Variants in MED13L observed in about 807,000 individuals in gnomAD.
The protein encoded by MED13L is mediator of RNA polymerase II transcription subunit 13-like.
In MED13L, 7 loss-of-function variants were observed where a neutral mutation model predicts 220.9. That is an observed-to-expected ratio of 0.03 (90% CI 0.02 to 0.06). MED13L has a LOEUF of 0.06. Ranked by LOEUF, MED13L falls within the 10% of genes least tolerant of loss-of-function variation. MED13L has a pLI of 1.00. For missense variants in MED13L, 1,965 were observed against 2,760.5 expected, an observed-to-expected ratio of 0.71 and a Z score of 6.46; for synonymous variants, 1,011 against 1,015.2, an observed-to-expected ratio of 1.00 and a Z score of 0.08.
At chr12:116,270,551 T>C (rs1227116952) in intron 1 of MED13L, among the ~76,000 whole-genome samples, 3 of 152,154 alleles carry the variant, frequency 2.0e-5, no homozygotes, top group African/African-American at 7.2e-5. Context: ...TGTACATGAC[T>C]TCATACTAAA....
At position 116,008,963 on chromosome 12, in the gene MED13L, A is replaced by T; in HGVS notation, c.1450T>A (p.Leu484Ile). The T allele has an allele frequency of 6.2e-7, 1 of 1,614,090 alleles. No homozygotes were observed. The highest frequency in any genetic ancestry group is 8.5e-7 in the Non-Finnish European group (1 of 1,179,988). ...EKGDKLQKRP[L>I]IPFHHRPSVA... ...GAGGGCCTATGGTGAAATGGTATTA[A>T]GGGTCTCTTTTGCAGCTTGTCTCCT... Residue 484 changes from leucine to isoleucine, a missense_variant, in exon 10 of 31, where the codon TTA (leucine) becomes ATA (isoleucine). By Grantham distance (5) the Leu-to-Ile change is conservative (BLOSUM62 2). Around this residue, in one of 10 missense-constraint regions of MED13L, gnomAD observed 818 missense variants for 1,041.2 expected, o/e 0.79. Coordinates refer to ENST00000281928, the MANE Select transcript of MED13L (RefSeq NM_015335.5).
chr12:116,097,793 T>A (rs557791527), intron 3 of MED13L, among the ~76,000 whole-genome samples: 106 of 152,318 alleles, frequency 7.0e-4, no homozygotes, highest in Middle Eastern at 3.4e-3. Context: ...TGAACCCAAC[T>A]CTTGTAACAA....
At chr12:116,206,142 G>A (rs1347373696) in intron 2 of MED13L, among the ~76,000 whole-genome samples, 2 of 142,288 alleles carry the variant, frequency 1.4e-5, no homozygotes, top group South Asian at 2.3e-4. Flanking sequence ...GTACAGTGGC[G>A]TGATCTTGGC....
At position 116,026,538 on chromosome 12, in the gene MED13L, C is replaced by A. The variant is rs531012628; in HGVS notation, c.480-3937G>T. Among the ~76,000 whole-genome samples, 239 of 152,260 alleles carry A rather than the reference C, an allele frequency of 1.6e-3. 1 individual carries two copies. Among genetic ancestry groups the A allele is most frequent in the African/African-American group, 5.1e-3 (212 of 41,532 alleles). ...AGTGCAGACTGCTGGGCCCCTGAGG[C>A]TCTGATTCAGGAGGTTTAGGGTGGG... On this transcript the variant is annotated intron_variant, in intron 4 of 30. Coordinates refer to ENST00000281928, the MANE Select transcript of MED13L (RefSeq NM_015335.5).
rs573920842 is a variant in MED13L, at chr12:116,147,815, T to A, written c.311-36303A>T. On this transcript the variant is annotated intron_variant, in intron 2 of 30. Coordinates refer to ENST00000281928, the MANE Select transcript of MED13L (RefSeq NM_015335.5). ...TTTCATAATTCTAAAAAAAGCTAAT[T>A]TAAAAAACTACCCATAATATTATTG... Among the ~76,000 whole-genome samples the A allele has an allele frequency of 3.3e-5, 5 of 152,070 alleles. No homozygotes were observed. In the East Asian group the frequency reaches 9.7e-4, roughly 29 times the overall value.
At chr12:116,103,560 T>C (rs1022664564) in intron 3 of MED13L, among the ~76,000 whole-genome samples, 2 of 152,234 alleles carry the variant, frequency 1.3e-5, no homozygotes, top group African/African-American at 4.8e-5. Context: ...TAGCTGGGCT[T>C]AGAGGCACAA....
intron 2 of MED13L, among the ~76,000 whole-genome samples, chr12:116,147,849 G>T (rs1481944094): frequency 1.3e-5 from 2 of 151,796 alleles, no homozygotes; most frequent in Non-Finnish European, 2.9e-5. Flanking sequence ...TGAGTAACAT[G>T]TAATTATCAT....
At chr12:116,225,810 T>C (rs1868924886) in intron 2 of MED13L, among the ~76,000 whole-genome samples, 1 of 152,212 alleles carries the variant, frequency 6.6e-6, no homozygotes, top group Non-Finnish European at 1.5e-5. Context: ...TTTCCACAAA[T>C]ATTTACTTTT....
Position 115,975,521 on chromosome 12 carries a change from G to A in MED13L, c.5582C>T (p.Pro1861Leu). The A allele has an allele frequency of 6.2e-7, 1 of 1,613,390 alleles. No individual in the cohort carries two copies. Among genetic ancestry groups the A allele is most frequent in the Non-Finnish European group, 8.5e-7 (1 of 1,179,428 alleles). Reference sequence around the variant, plus strand: ...AAACATCAAGTCTTCTCACCTGTTTGGTAAAGCAATATTTACAACGCAGGT... The same window carrying A: ...AAACATCAAGTCTTCTCACCTGTTTAGTAAAGCAATATTTACAACGCAGGT... The part of the protein sequence containing the change: ...LETCVVNIAL[P>L]NRSRRSKVSA... Residue 1861 changes from proline to leucine, a missense_variant, in exon 24 of 31, where the codon CCA becomes CTA. Physicochemically the swap from Pro to Leu is moderately conservative, Grantham distance 98 (BLOSUM62 -3). Transcript: ENST00000281928.
At chr12:116,003,975 TG>T (rs1878898769) in intron 13 of MED13L, among the ~76,000 whole-genome samples, 1 of 152,210 alleles carries the variant, frequency 6.6e-6, no homozygotes, top group East Asian at 1.9e-4. Context: ...AAAATTTGAT[TG>T]AAAATGTCCA....
At position 116,116,197 on chromosome 12, in the gene MED13L, G is replaced by T. The variant is rs1357652220; in HGVS notation, c.311-4685C>A. Reference sequence around the variant, plus strand: ...CTGATTATCAGGGAAATAATCATGTGACCAGAGGGTTAGAACTTTCTATCT... The same window carrying T: ...CTGATTATCAGGGAAATAATCATGTTACCAGAGGGTTAGAACTTTCTATCT... On this transcript the variant is annotated intron_variant, in intron 2 of 30. Transcript: ENST00000281928. 1.3e-5 allele frequency among the ~76,000 whole-genome samples: 2 copies of T among 152,124 alleles called. 1 individual carries two copies. Among genetic ancestry groups the T allele is most frequent in the South Asian group, 4.1e-4 (2 of 4,826 alleles).
In MED13L at chr12:116,240,117, C is replaced by T. The variant is rs575997354; in HGVS notation, c.73-2412G>A. Among the ~76,000 whole-genome samples the T allele has an allele frequency of 1.1e-4, 16 of 147,538 alleles. No homozygotes were observed. In the East Asian group the frequency reaches 2.9e-3, roughly 27 times the overall value. ...GTCCATTTTTCTATCTTACAAGTTC[C>T]TTTTTTTTTTTCTGAGATGGAGCCT... On this transcript the variant is annotated intron_variant, in intron 1 of 30. Coordinates refer to ENST00000281928, the MANE Select transcript of MED13L (RefSeq NM_015335.5).
At chr12:116,203,721 G>A (rs1882145224) in intron 2 of MED13L, among the ~76,000 whole-genome samples, 1 of 152,100 alleles carries the variant, frequency 6.6e-6, no homozygotes, top group Admixed American at 6.6e-5. Context: ...TCAGGAGATT[G>A]AGGCAGGGAG....
chr12:116,133,934 G>A (rs940978525), intron 2 of MED13L, among the ~76,000 whole-genome samples: 15 of 152,064 alleles, frequency 9.9e-5, no homozygotes. Context: ...CCAGCTATGT[G>A]AATAAAAACA....
intron 2 of MED13L, among the ~76,000 whole-genome samples, chr12:116,155,258 C>T (rs959687590): frequency 1.3e-4 from 20 of 152,024 alleles, no homozygotes; most frequent in South Asian, 2.1e-4. Context: ...ACCGTCTCTA[C>T]AAAAAATTTA....
At chr12:116,058,686 G>A (rs1218146095) in intron 4 of MED13L, among the ~76,000 whole-genome samples, 1 of 152,190 alleles carries the variant, frequency 6.6e-6, no homozygotes, top group Non-Finnish European at 1.5e-5. Flanking sequence ...CCCAGAAAGA[G>A]AATACCAGTC....
intron 2 of MED13L, among the ~76,000 whole-genome samples, chr12:116,213,181 T>C (rs1882803653): frequency 6.6e-6 from 1 of 151,712 alleles, no homozygotes; most frequent in Admixed American, 6.6e-5. Flanking sequence ...TCTCCACCAA[T>C]TCCCTTTCAC....
At chr12:116,076,589 A>T (rs1870822302) in intron 4 of MED13L, among the ~76,000 whole-genome samples, 2 of 152,184 alleles carry the variant, frequency 1.3e-5, no homozygotes, top group South Asian at 4.1e-4. Context: ...CACTAAAAAC[A>T]GTCCCAGGGC....
intron 2 of MED13L, among the ~76,000 whole-genome samples, chr12:116,197,858 T>G (rs1881740420): frequency 1.3e-5 from 2 of 152,214 alleles, no homozygotes; most frequent in African/African-American, 2.4e-5. Flanking sequence ...TATGATTTTT[T>G]AATCAAAGTA....
Sources: gnomAD v4.1 joint callset for allele counts (sites outside exome capture counted in the v4.1 genomes callset) on GRCh38, gnomAD v4.1.1 for gene constraint, gnomAD v4.1.1 regional missense constraint, MANE v1.5 for transcripts, NCBI Gene and HGNC (gene_info 2026-07-23, HGNC 2026-07-21) for gene names.